GPHN: variants seen among roughly 807,000 people sequenced by gnomAD.
GPHN encodes the protein gephyrin.
Under a neutral mutation model 95.5 loss-of-function variants are expected in GPHN, and 17 were observed. The observed-to-expected ratio is 0.18, with a 90% CI of 0.12 to 0.27. The LOEUF (loss-of-function observed/expected upper bound fraction) is 0.27, where lower values mean the gene tolerates loss of function less well. Ranked by LOEUF, GPHN falls within the 10% of genes least tolerant of loss-of-function variation. The pLI is 1.00. For missense variants in GPHN, 660 were observed against 978.1 expected, an observed-to-expected ratio of 0.67 and a Z score of 4.34; for synonymous variants, 320 against 322.5, an observed-to-expected ratio of 0.99 and a Z score of 0.08.
the GPHN span, chr14:67,221,886 G>A: frequency 6.4e-7 from 1 of 1,558,422 alleles, no homozygotes; most frequent in Non-Finnish European, 8.7e-7. Context: ...GAAGAGTAGT[G>A]TGGCTAAGAG....
intron 1 of GPHN, 150 bp from the exon 2 acceptor site, chr14:66,680,957 C>T: frequency 1.6e-6 from 1 of 607,638 alleles, no homozygotes; most frequent in Non-Finnish European, 2.9e-6. Context: ...GCTAAATTCA[C>T]CAGGCCTATA....
the GPHN span, among the ~76,000 whole-genome samples, chr14:67,609,717 C>G: frequency 1.3e-5 from 2 of 152,246 alleles, no homozygotes; most frequent in African/African-American, 4.8e-5. Context: ...AGCCTTTCAC[C>G]TTTATTGCTC....
the GPHN span, among the ~76,000 whole-genome samples, chr14:67,668,803 T>G: frequency 2.6e-5 from 4 of 152,184 alleles, no homozygotes; most frequent in African/African-American, 7.2e-5. Flanking sequence ...GCCTGAGAAT[T>G]TGCATTTCTA....
the GPHN span, among the ~76,000 whole-genome samples, chr14:67,464,707 C>T: frequency 1.1e-4 from 17 of 152,332 alleles, 1 homozygote; most frequent in Admixed American, 9.1e-4. Flanking sequence ...TTTGGGGCTA[C>T]CCAGTCTAGA....
chr14:66,803,817 T>G (rs1011986253), intron 3 of GPHN, among the ~76,000 whole-genome samples: 1 of 152,154 alleles, frequency 6.6e-6, no homozygotes, highest in East Asian at 1.9e-4. Flanking sequence ...TTTGCATTAT[T>G]TACCCCTGAT....
At chr14:67,648,049 G>A in the GPHN span, 2 of 1,609,520 alleles carry the variant, frequency 1.2e-6, no homozygotes, top group Non-Finnish European at 1.7e-6. Context: ...CTTTTTAGGA[G>A]ACAAAGACCA....
intron 3 of GPHN, among the ~76,000 whole-genome samples, chr14:66,790,980 A>G (rs1427841546): frequency 1.3e-5 from 2 of 152,230 alleles, no homozygotes; most frequent in Non-Finnish European, 2.9e-5. Context: ...CTTTAATGCC[A>G]AATACATTTT....
At chr14:67,660,093 G>A in the GPHN span, 1 of 639,136 alleles carries the variant, frequency 1.6e-6, no homozygotes, top group Admixed American at 3.2e-5. Context: ...CATTCTGAAT[G>A]CCTTGCATAG....
At chr14:67,723,498 A>C in the GPHN span, among the ~76,000 whole-genome samples, 1 of 152,156 alleles carries the variant, frequency 6.6e-6, no homozygotes, top group African/African-American at 2.4e-5. Flanking sequence ...GCCTCCCAAG[A>C]TGTTGGGATT....
At chr14:66,541,464 G>A (rs976605006) in intron 1 of GPHN, among the ~76,000 whole-genome samples, 1 of 152,338 alleles carries the variant, frequency 6.6e-6, no homozygotes, top group Admixed American at 6.5e-5. Context: ...AGAGGTTCAA[G>A]TGGGTTAACT....
At chr14:66,843,372 C>T (rs2062175723) in intron 4 of GPHN, among the ~76,000 whole-genome samples, 2 of 152,160 alleles carry the variant, frequency 1.3e-5, no homozygotes, top group African/African-American at 4.8e-5. Context: ...ATGCCTGTAA[C>T]ACTGTAAGTA....
chr14:66,662,747 A>G (rs906553996), intron 1 of GPHN, among the ~76,000 whole-genome samples: 1 of 152,246 alleles, frequency 6.6e-6, no homozygotes, highest in East Asian at 1.9e-4. Context: ...TCAGCAACTG[A>G]CAAGGTAAAA....
chr14:66,668,739 G>A (rs2066116176), intron 1 of GPHN, among the ~76,000 whole-genome samples: 2 of 152,040 alleles, frequency 1.3e-5, no homozygotes, highest in African/African-American at 2.4e-5. Flanking sequence ...CATGACACAC[G>A]TTTACCTGTG....
At chr14:66,638,223 C>T (rs1027779030) in intron 1 of GPHN, among the ~76,000 whole-genome samples, 5 of 152,030 alleles carry the variant, frequency 3.3e-5, no homozygotes, top group Admixed American at 1.3e-4. Context: ...CACTTGAGAT[C>T]GGGAGTTCGA....
At chr14:66,670,921 A>G (rs1403002847) in intron 1 of GPHN, among the ~76,000 whole-genome samples, 2 of 152,202 alleles carry the variant, frequency 1.3e-5, no homozygotes, top group African/African-American at 2.4e-5. Flanking sequence ...GATTTTTTTG[A>G]TTTATGAAAT....
intron 2 of GPHN, among the ~76,000 whole-genome samples, chr14:66,697,995 G>T (rs1469998751): frequency 1.3e-5 from 2 of 151,766 alleles, no homozygotes; most frequent in African/African-American, 4.8e-5. Context: ...CCTGCTGCCT[G>T]GTTTTATAAA....
chr14:67,307,077 T>C, the GPHN span, among the ~76,000 whole-genome samples: 2 of 111,884 alleles, frequency 1.8e-5, no homozygotes, highest in African/African-American at 1.1e-4. Flanking sequence ...AGTGCTCTCT[T>C]GAGTTCTTAA....
chr14:67,643,883 GAC>G, the GPHN span, among the ~76,000 whole-genome samples: 1 of 85,700 alleles, frequency 1.2e-5, no homozygotes, highest in African/African-American at 5.0e-5. Flanking sequence ...AAAAAAAAAA[GAC>G]TCAGGTTGAA....
intron 9 of GPHN, among the ~76,000 whole-genome samples, chr14:66,990,460 T>A (rs2071335593): frequency 6.6e-6 from 1 of 152,222 alleles, no homozygotes; most frequent in African/African-American, 2.4e-5. Context: ...ATTTGGAGAT[T>A]TTTCTGTTGG....
Sources: gnomAD v4.1 joint callset for allele counts (sites outside exome capture counted in the v4.1 genomes callset) on GRCh38, gnomAD v4.1.1 for gene constraint, MANE v1.5 for transcripts, NCBI Gene and HGNC (gene_info 2026-07-23, HGNC 2026-07-21) for gene names.